The following SOX5 variants were observed in gnomAD, a reference collection of about 807,000 sequenced individuals.
SOX5 encodes SRY-box transcription factor 5, also known as transcription factor SOX-5.
Under a neutral mutation model 92.0 loss-of-function variants are expected in SOX5, and 9 were observed. The ratio of observed to expected loss-of-function variants is 0.10; its 90% confidence interval spans 0.06 to 0.17. The LOEUF is 0.17. Among genes scored for constraint, SOX5 ranks in the 10% least tolerant of loss-of-function variants. The pLI is 1.00. For missense variants in SOX5, 642 were observed against 944.5 expected (o/e 0.68, Z 4.20); for synonymous variants, 344 against 336.3 (o/e 1.02, Z -0.25).
intron 1 of SOX5, among the ~76,000 whole-genome samples, chr12:24,373,656 A>C (rs901976037): frequency 6.6e-6 from 1 of 152,226 alleles, no homozygotes; most frequent in Admixed American, 6.5e-5. Context: ...AGCTATGCAC[A>C]CAAACACAGA....
At chr12:23,894,531 A>C (rs1323667252) in intron 2 of SOX5, among the ~76,000 whole-genome samples, 5 of 152,008 alleles carry the variant, frequency 3.3e-5, no homozygotes, top group Non-Finnish European at 7.4e-5. Flanking sequence ...CCGACCTAAA[A>C]CATTATTCTT....
At chr12:23,848,850 T>A (rs2096601538) in intron 2 of SOX5, among the ~76,000 whole-genome samples, 1 of 152,194 alleles carries the variant, frequency 6.6e-6, no homozygotes, top group Non-Finnish European at 1.5e-5. Context: ...TAAATTCTAA[T>A]CATAAAAGAG....
At chr12:24,479,688 C>T (rs903727601) in intron 1 of SOX5, among the ~76,000 whole-genome samples, 2 of 151,176 alleles carry the variant, frequency 1.3e-5, no homozygotes, top group African/African-American at 2.4e-5. Flanking sequence ...TGTGGGGGGA[C>T]AGAGTCTCAC....
intron 10 of SOX5, among the ~76,000 whole-genome samples, chr12:23,564,207 A>G (rs1946685397): frequency 6.6e-6 from 1 of 152,230 alleles, no homozygotes; most frequent in African/African-American, 2.4e-5. Flanking sequence ...AGGTGTAACA[A>G]CCAAAACTAA....
At chr12:24,487,614 C>T (rs190014970) in intron 1 of SOX5, among the ~76,000 whole-genome samples, 279 of 152,152 alleles carry the variant, frequency 1.8e-3, no homozygotes, top group African/African-American at 6.5e-3. Context: ...GTTAAAATCC[C>T]CCTTAAGACT....
At chr12:23,555,523 A>G (rs1352739255) in intron 11 of SOX5, among the ~76,000 whole-genome samples, 1 of 152,066 alleles carries the variant, frequency 6.6e-6, no homozygotes, top group African/African-American at 2.4e-5. Flanking sequence ...AAAAACTCAC[A>G]CCATAATTGC....
At chr12:24,302,294 T>C (rs1948063299) in intron 2 of SOX5, among the ~76,000 whole-genome samples, 1 of 152,228 alleles carries the variant, frequency 6.6e-6, no homozygotes, top group South Asian at 2.1e-4. Context: ...AATAATAACA[T>C]GTATCTGCTT....
intron 4 of SOX5, among the ~76,000 whole-genome samples, chr12:23,976,707 T>C (rs988940840): frequency 1.3e-5 from 2 of 151,826 alleles, no homozygotes; most frequent in Non-Finnish European, 2.9e-5. Context: ...CTACAAAGAG[T>C]CCCTTTTATA....
chr12:23,723,812 T>C (rs563522737), intron 6 of SOX5, among the ~76,000 whole-genome samples: 1 of 151,930 alleles, frequency 6.6e-6, no homozygotes, highest in Non-Finnish European at 1.5e-5. Flanking sequence ...TTAGTTATTT[T>C]AGTTAAACAT....
chr12:24,168,127 A>G (rs1953644447), intron 4 of SOX5, among the ~76,000 whole-genome samples: 1 of 152,204 alleles, frequency 6.6e-6, no homozygotes, highest in African/African-American at 2.4e-5. Flanking sequence ...ATTTATGCAT[A>G]TTTTGGAAAA....
rs1233264408 is a variant in SOX5 at position 23,608,291 on chromosome 12, G to A, written c.1018-3758C>T. ...CTCTAAAACTTCACAACTCCTCAGA[G>A]CTTTCCAGTCTTTCTATTGCTTAAA... On this transcript the variant is annotated intron_variant, in intron 8 of 14. Transcript: ENST00000451604. 3.9e-5 allele frequency among the ~76,000 whole-genome samples: 6 copies of A among 152,000 alleles called. No homozygotes were observed. The South Asian group carries it at 1.0e-3, about 26-fold the overall frequency.
chr12:24,375,444 C>T (rs1298427921), intron 1 of SOX5, among the ~76,000 whole-genome samples: 2 of 151,824 alleles, frequency 1.3e-5, no homozygotes, highest in Non-Finnish European at 2.9e-5. Context: ...GGGTCAGAAG[C>T]GAGAATAAGG....
At chr12:24,221,310 A>G (rs1015825527) in intron 3 of SOX5, among the ~76,000 whole-genome samples, 1 of 152,118 alleles carries the variant, frequency 6.6e-6, no homozygotes, top group African/African-American at 2.4e-5. Flanking sequence ...TTTCTTTCCT[A>G]TATAGCACTT....
chr12:23,772,949 G>A (rs956790100), intron 3 of SOX5, among the ~76,000 whole-genome samples: 5 of 152,032 alleles, frequency 3.3e-5, no homozygotes, highest in South Asian at 2.1e-4. Flanking sequence ...CAAGCAAATC[G>A]GTATCTGCAA....
intron 4 of SOX5, among the ~76,000 whole-genome samples, chr12:23,978,634 A>G (rs1224094766): frequency 3.9e-5 from 6 of 152,210 alleles, no homozygotes; most frequent in African/African-American, 1.4e-4. Flanking sequence ...CCTTTATCAC[A>G]AACCAATCTA....
chr12:23,542,547 G>A (rs1415409757), intron 13 of SOX5, among the ~76,000 whole-genome samples: 1 of 152,102 alleles, frequency 6.6e-6, no homozygotes, highest in Non-Finnish European at 1.5e-5. Context: ...GTCTCTGTGT[G>A]GGTAGAGTAA....
intron 6 of SOX5, among the ~76,000 whole-genome samples, chr12:23,694,815 T>C (rs532442301): frequency 2.0e-4 from 31 of 152,280 alleles, no homozygotes; most frequent in African/African-American, 7.5e-4. Context: ...TCACTTTGTA[T>C]AATGCTTTTG....
chr12:24,133,810 A>G lies in SOX5; in HGVS notation c.-2+79533T>C, dbSNP rs561990451. Among the ~76,000 whole-genome samples, 66 of 152,326 alleles carry G rather than the reference A, an allele frequency of 4.3e-4. No homozygotes were observed. In the South Asian group the frequency reaches 7.2e-3, roughly 17 times the overall value. On this transcript the variant is annotated intron_variant, in intron 4 of 4. Transcript: ENST00000446891. ...TGTTAACTAATTGTTTTATAACCCA[A>G]TTAAAAAGAAAACAGACAGCCAGAG... is the stretch of plus-strand genomic sequence containing the variant.
At chr12:23,896,279 G>T (rs1436533096) in intron 1 of SOX5, among the ~76,000 whole-genome samples, 2 of 152,080 alleles carry the variant, frequency 1.3e-5, no homozygotes, top group African/African-American at 4.8e-5. Context: ...TTAAACAAGA[G>T]AATTCACCTA....
Sources: gnomAD v4.1 joint callset for allele counts (sites outside exome capture counted in the v4.1 genomes callset) on GRCh38, gnomAD v4.1.1 for gene constraint, MANE v1.5 for transcripts, NCBI Gene and HGNC (gene_info 2026-07-23, HGNC 2026-07-21) for gene names.